NTNG2: variants seen among roughly 807,000 people sequenced by gnomAD.
NTNG2 encodes the protein netrin G2, also known as netrin-G2.
NTNG2 carries 15 observed loss-of-function variants against 47.6 expected under a neutral mutation model. The ratio of observed to expected loss-of-function variants is 0.32; its 90% CI spans 0.21 to 0.49. The LOEUF (loss-of-function observed/expected upper bound fraction) is 0.49, where lower values mean the gene tolerates loss of function less well. Ranked by LOEUF, NTNG2 falls within the 20% of genes least tolerant of loss-of-function variation. The pLI, the probability that NTNG2 is intolerant of heterozygous loss-of-function variation, is 0.99. For synonymous variants in NTNG2, 307 were observed against 324.6 expected, an observed-to-expected ratio of 0.95 and a Z score of 0.58; for missense variants, 578 against 764.6, an observed-to-expected ratio of 0.76 and a Z score of 2.88.
intron 3 of NTNG2, among the ~76,000 whole-genome samples, chr9:132,199,144 G>T (rs1838551836): frequency 6.6e-6 from 1 of 152,144 alleles, no homozygotes; most frequent in Admixed American, 6.5e-5. Flanking sequence ...GAGGAAGGAA[G>T]TGCATGTGTT....
At position 132,241,001 on chromosome 9, in the gene NTNG2, C is replaced by A; in HGVS notation, c.1314C>A (p.Cys438Ter). 1 of 1,609,510 alleles carries A rather than the reference C, an allele frequency of 6.2e-7. No homozygotes were observed. Residue 438 changes from cysteine to a stop codon, truncating the protein, a stop_gained, in exon 7 of 8, where the codon TGC (cysteine) becomes TGA (stop). Transcript: ENST00000393229. LOFTEE classifies it low-confidence loss of function (END_TRUNC). ...GCGAGGGCGCGGCGGGCCCCAAGTG[C>A]GACGACTGCCTCCCCACGCACTACT... ...ECREGAAGPK[C>*]DDCLPTHYWR...
At chr9:132,204,229 C>T (rs541824087) in intron 3 of NTNG2, among the ~76,000 whole-genome samples, 8 of 152,278 alleles carry the variant, frequency 5.3e-5, no homozygotes, top group South Asian at 4.1e-4. Context: ...TGGCCAAGCC[C>T]GGCTCCTGCA....
chr9:132,171,821 C>G (rs1835934652), intron 2 of NTNG2, among the ~76,000 whole-genome samples: 1 of 152,338 alleles, frequency 6.6e-6, no homozygotes, highest in East Asian at 1.9e-4. Context: ...CAATGCAGAG[C>G]TGACCGGCCC....
At position 132,241,992 on chromosome 9, in the gene NTNG2, G is replaced by T; in HGVS notation, c.1474G>T (p.Asp492Tyr). ...TGVRCEQPRCDPADDDGGLDC... is the reference protein window; with the variant it reads ...TGVRCEQPRCYPADDDGGLDC... The stretch of plus-strand genomic sequence containing the variant: ...CGTGCGCTGCGAGCAGCCCCGCTGC[G>T]ACCCCGCCGACGATGACGGCGGTCT... The change falls in exon 8 of 8, where the codon GAC becomes TAC. Residue 492 changes from aspartate (D) to tyrosine (Y), a missense_variant. Asp to Tyr is a radical substitution (Grantham distance 160, BLOSUM62 -3). Coordinates refer to ENST00000393229, the MANE Select transcript of NTNG2 (RefSeq NM_032536.4). The T allele has an allele frequency of 6.7e-7, 1 of 1,484,584 alleles. No homozygotes were observed. Among genetic ancestry groups the T allele is most frequent in the South Asian group, 1.3e-5 (1 of 79,104 alleles). 92.0% of individuals were successfully genotyped at this position (1,484,584 alleles called of 1,614,324 possible). A position where few individuals can be genotyped will look rare whatever the true frequency, so the allele number is the denominator to read the frequency against.
chr9:132,162,410 G>T lies in NTNG2; in HGVS notation c.-484+171G>T, dbSNP rs1372789912. 6.6e-6 allele frequency among the ~76,000 whole-genome samples: 1 copy of T among 152,154 alleles called. No homozygotes were observed. Among genetic ancestry groups the T allele is most frequent in the Non-Finnish European group, 1.5e-5 (1 of 68,032 alleles). On this transcript the variant is annotated intron_variant, in intron 1 of 7. Transcript: ENST00000393229. This position sits in a 1 kb window ranked among gnomAD's most constrained non-coding sequence, Gnocchi z 4.6. ...ATGCAAAAGTTGTTTGGTGGCGGCT[G>T]CTACGAGCTGAGAACTGGAGTCGCC...
At chr9:132,229,913 C>T (rs942610656) in intron 4 of NTNG2, among the ~76,000 whole-genome samples, 7 of 152,230 alleles carry the variant, frequency 4.6e-5, no homozygotes, top group African/African-American at 1.7e-4. Flanking sequence ...ATAGGCCTCC[C>T]CCATCCCCTG....
At chr9:132,169,458 TC>T (rs1437787291) in intron 2 of NTNG2, among the ~76,000 whole-genome samples, 1 of 152,210 alleles carries the variant, frequency 6.6e-6, no homozygotes, top group African/African-American at 2.4e-5. Context: ...TATTGTGGCT[TC>T]CCCTGGGAGG....
At chr9:132,204,358 C>T (rs1225398448) in intron 3 of NTNG2, among the ~76,000 whole-genome samples, 3 of 152,138 alleles carry the variant, frequency 2.0e-5, no homozygotes, top group South Asian at 2.1e-4. Context: ...CTTCCATAAA[C>T]GTCCTGTCCC....
chr9:132,209,512 C>T (rs867231268), intron 3 of NTNG2, among the ~76,000 whole-genome samples: 27 of 152,160 alleles, frequency 1.8e-4, no homozygotes, highest in Admixed American at 1.5e-3. Context: ...TCTGGCAGGG[C>T]GGTGCCCCAA....
At chr9:132,223,351 G>T (rs1336927500) in intron 3 of NTNG2, among the ~76,000 whole-genome samples, 1 of 152,144 alleles carries the variant, frequency 6.6e-6, no homozygotes, top group Non-Finnish European at 1.5e-5. Flanking sequence ...CTCAGACAGG[G>T]ACAGAGGCGG....
At chr9:132,183,450 T>A (rs775327814) in intron 2 of NTNG2, among the ~76,000 whole-genome samples, 15 of 152,182 alleles carry the variant, frequency 9.9e-5, no homozygotes, top group Admixed American at 3.3e-4. Flanking sequence ...TCAGTCGACC[T>A]AGAGCACCAT....
At chr9:132,225,258 G>A (rs1200567968) in intron 3 of NTNG2, among the ~76,000 whole-genome samples, 4 of 149,546 alleles carry the variant, frequency 2.7e-5, no homozygotes, top group Non-Finnish European at 5.9e-5. Flanking sequence ...TGTTTTGTTT[G>A]TTTTTGTTTT....
intron 2 of NTNG2, among the ~76,000 whole-genome samples, chr9:132,176,184 C>CA (rs35497672): frequency 0.23 from 33,170 of 144,662 alleles, 3,821 homozygotes; most frequent in African/African-American, 0.3. Context: ...CCCCATCTCT[C>CA]AAAAAAAAAA....
Position 132,162,569 on chromosome 9 carries a change from A to AGAGTGTGTGTGT in NTNG2, c.-484+331_-484+332insAGTGTGTGTGTG, listed in dbSNP as rs1247026951. Among the ~76,000 whole-genome samples the AGAGTGTGTGTGT allele has an allele frequency of 4.4e-5, 5 of 112,468 alleles. No individual in the cohort carries two copies. In the East Asian group the frequency reaches 1.3e-3, roughly 29 times the overall value. 73.8% of individuals were successfully genotyped at this position (112,468 alleles called of 152,430 possible). Reference sequence around the variant, plus strand: ...GTGTGTGTGTGTGAGAGAGAGACAGAGTGTGTGTGTGTGTGTGTGTGTGTG... The same window carrying AGAGTGTGTGTGT: ...GTGTGTGTGTGTGAGAGAGAGACAGAGAGTGTGTGTGTGTGTGTGTGTGTGTGTGTGTGTGTG... On this transcript the variant is annotated intron_variant, in intron 1 of 7. Transcript: ENST00000393229. This position sits in a 1 kb window ranked among gnomAD's most constrained non-coding sequence, Gnocchi z 4.6.
chr9:132,225,841 T>A (rs930877277), intron 3 of NTNG2, among the ~76,000 whole-genome samples: 1 of 152,180 alleles, frequency 6.6e-6, no homozygotes, highest in Admixed American at 6.5e-5. Context: ...ACGCAACTCA[T>A]CTGTTGGAAG....
intron 2 of NTNG2, among the ~76,000 whole-genome samples, chr9:132,193,513 G>A (rs1182106524): frequency 6.6e-6 from 1 of 152,174 alleles, no homozygotes; most frequent in East Asian, 1.9e-4. Context: ...GGGACGAAGT[G>A]GCCTGGGAAA....
chr9:132,175,320 G>C (rs559699357), intron 2 of NTNG2, among the ~76,000 whole-genome samples: 1 of 152,306 alleles, frequency 6.6e-6, no homozygotes, highest in African/African-American at 2.4e-5. Flanking sequence ...GCTAGGGTTA[G>C]GAAGGATTAG....
At chr9:132,169,923 G>A (rs1366883826) in intron 2 of NTNG2, among the ~76,000 whole-genome samples, 1 of 152,218 alleles carries the variant, frequency 6.6e-6, no homozygotes, top group Non-Finnish European at 1.5e-5. Context: ...TGTGGAAGAT[G>A]CAGGCTGGGG....
At position 132,163,959 on chromosome 9, in the gene NTNG2, T is replaced by C. The variant is rs562062481; in HGVS notation, c.-484+1720T>C. ...TAATAATATCAGGTGAAGATAAATT[T>C]TCCACGGAGAAAACGATCCTCCGGG... On this transcript the variant is annotated intron_variant, in intron 1 of 7. Transcript: ENST00000393229. This position sits in a 1 kb window ranked among gnomAD's most constrained non-coding sequence, Gnocchi z 7.2. 1.3e-5 allele frequency among the ~76,000 whole-genome samples: 2 copies of C among 152,328 alleles called. No homozygotes were observed. Among genetic ancestry groups the C allele is most frequent in the African/African-American group, 4.8e-5 (2 of 41,572 alleles).
Sources: gnomAD v4.1 joint callset for allele counts (sites outside exome capture counted in the v4.1 genomes callset) on GRCh38, gnomAD v4.1.1 for gene constraint, Gnocchi (gnomAD v3.1) non-coding constraint, MANE v1.5 for transcripts, NCBI Gene and HGNC (gene_info 2026-07-23, HGNC 2026-07-21) for gene names.